Variants in ATIC observed in about 807,000 individuals in gnomAD.
The protein encoded by ATIC is 5-aminoimidazole-4-carboxamide ribonucleotide formyltransferase/IMP cyclohydrolase.
ATIC carries 64 observed loss-of-function variants against 72.5 expected under a neutral mutation model. The ratio of observed to expected loss-of-function variants is 0.88; its 90% CI spans 0.72 to 1.09. ATIC has a LOEUF of 1.09. Among genes scored for constraint, ATIC ranks in the 50% least tolerant of loss-of-function variants. The pLI is 0.00. For synonymous variants in ATIC, 281 were observed against 267.1 expected, an observed-to-expected ratio of 1.05 and a Z score of -0.51; for missense variants, 787 against 732.4, an observed-to-expected ratio of 1.07 and a Z score of -0.86.
intron 12 of ATIC, 78 bp from the exon 13 acceptor site, chr2:215,344,701 T>C (rs747170608): frequency 1.0e-4 from 140 of 1,395,778 alleles, no homozygotes; most frequent in Non-Finnish European, 1.4e-4. Context: ...CCACAAAAAA[T>C]AATATTTAAA....
downstream of ATIC, among the ~76,000 whole-genome samples, chr2:215,351,228 C>A (rs1363839846): frequency 6.6e-6 from 1 of 152,210 alleles, no homozygotes; most frequent in Admixed American, 6.5e-5. Context: ...GATCCTCCAG[C>A]TTCAGTCCCA....
downstream of ATIC, among the ~76,000 whole-genome samples, chr2:215,352,540 C>G (rs923136446): frequency 1.3e-4 from 19 of 151,740 alleles, no homozygotes; most frequent in African/African-American, 4.6e-4. Flanking sequence ...TGAGATCACT[C>G]CACTGCACTT....
chr2:215,349,806 G>T, downstream of ATIC: 2 of 1,402,470 alleles, frequency 1.4e-6, no homozygotes, highest in Non-Finnish European at 2.0e-6. Context: ...AAAGATGCAG[G>T]CTCTTTGAAC....
At chr2:215,364,401 A>G in the ATIC span, 2 of 224,862 alleles carry the variant, frequency 8.9e-6, no homozygotes, top group South Asian at 1.5e-4. Context: ...TTTGCTGAAA[A>G]ATAGAAGCAG....
chr2:215,313,820 CTG>C (rs1414509006), intron 2 of ATIC, among the ~76,000 whole-genome samples: 2 of 152,112 alleles, frequency 1.3e-5, no homozygotes, highest in Admixed American at 6.6e-5. Context: ...CGTCTTGTCT[CTG>C]TGGTTTTCAT....
chr2:215,335,111 T>C (rs2052940417), intron 10 of ATIC, 107 bp downstream of exon 10: 3 of 573,712 alleles, frequency 5.2e-6, no homozygotes. Flanking sequence ...TAATATCTTT[T>C]AATTAGCTAA....
At chr2:215,337,989 A>G (rs1326936388) in intron 11 of ATIC, among the ~76,000 whole-genome samples, 4 of 152,244 alleles carry the variant, frequency 2.6e-5, no homozygotes, top group Non-Finnish European at 1.5e-5. Context: ...TAGAAATTTT[A>G]TAGTGCATAA....
the ATIC span, among the ~76,000 whole-genome samples, chr2:215,356,139 G>A: frequency 6.6e-6 from 1 of 152,200 alleles, no homozygotes; most frequent in African/African-American, 2.4e-5. Context: ...TTGCTCTGAA[G>A]AGCAAATGAG....
chr2:215,355,669 T>G, the ATIC span, among the ~76,000 whole-genome samples: 2 of 152,226 alleles, frequency 1.3e-5, no homozygotes, highest in Admixed American at 6.5e-5. Flanking sequence ...TAAAAGAAAT[T>G]GTAATGAAGT....
At chr2:215,365,999 G>A in the ATIC span, among the ~76,000 whole-genome samples, 2 of 57,420 alleles carry the variant, frequency 3.5e-5, no homozygotes, top group Non-Finnish European at 7.5e-5. Flanking sequence ...TGTATTTTTT[G>A]TAGAGATGGG....
rs753546199 is a variant in ATIC at position 215,319,655 on chromosome 2, T to C, written c.224-10T>C. ...GAAGCTAATGACTTTGTTTAACTTT[T>C]TTAAATTAGGAATCCTAGCTCGTAA... On this transcript the variant is annotated splice_polypyrimidine_tract_variant and intron_variant, in intron 3 of 15. Coordinates refer to ENST00000236959, the MANE Select transcript of ATIC (RefSeq NM_004044.7). 3 of 1,602,226 alleles carry C rather than the reference T, an allele frequency of 1.9e-6. No individual in the cohort carries two copies. Among genetic ancestry groups the C allele is most frequent in the Non-Finnish European group, 2.6e-6 (3 of 1,169,298 alleles).
chr2:215,331,899 T>G (rs1020851919), intron 7 of ATIC, among the ~76,000 whole-genome samples: 1 of 152,166 alleles, frequency 6.6e-6, no homozygotes, highest in Non-Finnish European at 1.5e-5. Flanking sequence ...AACACATTAT[T>G]TCTTCTCTTC....
At chr2:215,319,913 T>C (rs1246150862) in intron 4 of ATIC, among the ~76,000 whole-genome samples, 182 bp downstream of exon 4, 1 of 152,182 alleles carries the variant, frequency 6.6e-6, no homozygotes, top group Non-Finnish European at 1.5e-5. Flanking sequence ...ATACTGAAGT[T>C]TTTTAGGAAG....
rs766034614 is a variant in ATIC, at chr2:215,338,863, G to A, written c.1183G>A (p.Val395Ile). The stretch of plus-strand genomic sequence containing the variant: ...AAGCCAGAAGAGAAATAATGGTGTC[G>A]TCGACAAGTCATTATTTAGCAATGT... ...HLSQKRNNGVVDKSLFSNVVT... is the reference protein window; with the variant it reads ...HLSQKRNNGVIDKSLFSNVVT... The change falls in exon 12 of 16, where the codon GTC (valine) becomes ATC (isoleucine). Residue 395 changes from valine (V) to isoleucine (I), a missense_variant. By Grantham distance (29) the Val-to-Ile change is conservative. Coordinates refer to ENST00000236959, the MANE Select transcript of ATIC (RefSeq NM_004044.7). 15 of 1,613,620 alleles carry A rather than the reference G, an allele frequency of 9.3e-6. No homozygotes were observed. Among genetic ancestry groups the A allele is most frequent in the African/African-American group, 2.7e-5 (2 of 74,874 alleles).
In ATIC at chr2:215,323,565, G is replaced by A. The variant is rs113127243; in HGVS notation, c.291-1676G>A. On this transcript the variant is annotated intron_variant, in intron 4 of 15. Transcript: ENST00000236959. ...TTTATATATTGATCATATATCCTGC[G>A]GCTTTGCTGAACTCATTTATTAGTG... Among the ~76,000 whole-genome samples the A allele has an allele frequency of 8.9e-4, 136 of 151,998 alleles. 1 individual carries two copies. The highest frequency in any genetic ancestry group is 3.2e-3 in the African/African-American group (131 of 41,436).
chr2:215,315,372 T>C (rs1271393104), intron 2 of ATIC, among the ~76,000 whole-genome samples: 2 of 151,972 alleles, frequency 1.3e-5, no homozygotes, highest in Admixed American at 1.3e-4. Context: ...ATATATATAT[T>C]TTTTTAGAGG....
chr2:215,358,949 C>G, the ATIC span, among the ~76,000 whole-genome samples: 1 of 152,356 alleles, frequency 6.6e-6, no homozygotes, highest in Non-Finnish European at 1.5e-5. Context: ...ATAGCACAAT[C>G]TTGACTCGCT....
intron 4 of ATIC, among the ~76,000 whole-genome samples, chr2:215,321,061 A>T (rs1021937768): frequency 6.6e-6 from 1 of 152,186 alleles, no homozygotes; most frequent in African/African-American, 2.4e-5. Flanking sequence ...CATCCAAACC[A>T]TATTAATTGC....
At chr2:215,346,531 A>T (rs750606576) in intron 13 of ATIC, among the ~76,000 whole-genome samples, 2 of 151,590 alleles carry the variant, frequency 1.3e-5, no homozygotes, top group Non-Finnish European at 2.9e-5. Context: ...GTAGATTATT[A>T]ATAGTCATAT....
Sources: gnomAD v4.1 joint callset for allele counts (sites outside exome capture counted in the v4.1 genomes callset) on GRCh38, gnomAD v4.1.1 for gene constraint, MANE v1.5 for transcripts, NCBI Gene and HGNC (gene_info 2026-07-23, HGNC 2026-07-21) for gene names.